The following ABAT variants were observed in gnomAD, a reference collection of about 807,000 sequenced individuals.
ABAT encodes 4-aminobutyrate aminotransferase, mitochondrial.
A neutral mutation model predicts 64.6 loss-of-function variants in ABAT; 45 were observed. The ratio of observed to expected loss-of-function variants is 0.70; its 90% CI spans 0.55 to 0.89. The LOEUF (loss-of-function observed/expected upper bound fraction) is 0.89. Among genes scored for constraint, ABAT ranks in the 40% least tolerant of loss-of-function variants. ABAT has a pLI of 0.00. For synonymous variants in ABAT, 297 were observed against 250.5 expected (o/e 1.19, Z -1.75); for missense variants, 633 against 658.4 (o/e 0.96, Z 0.42).
At position 8,783,504 on chromosome 16, in the gene ABAT, A is replaced by C. The variant is rs191157077; in HGVS notation, c.*2074A>C. The C allele has an allele frequency of 7.9e-5, 12 of 152,412 alleles. No individual in the cohort carries two copies. Among genetic ancestry groups the C allele is most frequent in the Admixed American group, 3.3e-4 (5 of 15,296 alleles). The allele number at this position is 152,412 out of a possible 1,614,324, so 9.4% of individuals were successfully genotyped here. A position where few individuals can be genotyped will look rare whatever the true frequency, so the allele number is the denominator to read the frequency against. On this transcript the variant is annotated 3_prime_UTR_variant, in exon 16 of 16. Transcript: ENST00000268251. ...CAGAGTTCACCAAGCAGGCAAGGCA[A>C]GGAAGGGTGTTGCAGAGAGGGAACA...
At chr16:8,779,688 G>T in intron 15 of ABAT, 98 bp downstream of exon 15, 1 of 941,662 alleles carries the variant, frequency 1.1e-6, no homozygotes. Context: ...TTTTGTGTGG[G>T]GGGCAGGTGG....
intron 1 of ABAT, among the ~76,000 whole-genome samples, chr16:8,726,803 C>A (rs1596425963): frequency 6.6e-6 from 1 of 152,272 alleles, no homozygotes; most frequent in South Asian, 2.1e-4. Flanking sequence ...TTTACATTCC[C>A]ACTAACAATG....
At chr16:8,709,793 T>G (rs184827704) in intron 1 of ABAT, among the ~76,000 whole-genome samples, 1 of 151,914 alleles carries the variant, frequency 6.6e-6, no homozygotes, top group Non-Finnish European at 1.5e-5. Flanking sequence ...AGGGTAGCAG[T>G]ACTCCCTGTA....
At chr16:8,770,294 C>T (rs1484998514) in intron 11 of ABAT, among the ~76,000 whole-genome samples, 2 of 152,072 alleles carry the variant, frequency 1.3e-5, no homozygotes, top group East Asian at 1.9e-4. Flanking sequence ...CTTGACACCA[C>T]ACCCGGCTAA....
At chr16:8,741,713 T>C (rs1245879871) in intron 2 of ABAT, among the ~76,000 whole-genome samples, 2 of 152,208 alleles carry the variant, frequency 1.3e-5, no homozygotes, top group East Asian at 3.8e-4. Flanking sequence ...TTCATTGTAA[T>C]AGTATTTGGT....
intron 1 of ABAT, among the ~76,000 whole-genome samples, chr16:8,709,397 G>T (rs2058020930): frequency 6.8e-6 from 1 of 147,146 alleles, no homozygotes. Flanking sequence ...TTTTTGAGAT[G>T]GAGTCTCACT....
intron 5 of ABAT, among the ~76,000 whole-genome samples, chr16:8,752,936 T>C (rs1039817569): frequency 7.2e-5 from 11 of 152,224 alleles, no homozygotes; most frequent in African/African-American, 2.4e-4. Context: ...TCTCATTAAA[T>C]GGCTACAGCC....
At chr16:8,717,535 A>G (rs1214163350) in intron 1 of ABAT, among the ~76,000 whole-genome samples, 1 of 152,206 alleles carries the variant, frequency 6.6e-6, no homozygotes, top group Admixed American at 6.5e-5. Flanking sequence ...AAACCAGACC[A>G]GCAGGTGACA....
At chr16:8,726,297 G>C (rs891479884) in intron 1 of ABAT, among the ~76,000 whole-genome samples, 1 of 120,812 alleles carries the variant, frequency 8.3e-6, no homozygotes, top group Non-Finnish European at 1.6e-5. Context: ...GTCTCGATCT[G>C]TTGCCCAGGC....
At chr16:8,773,499 C>G (rs973908222) in intron 12 of ABAT, among the ~76,000 whole-genome samples, 1 of 152,104 alleles carries the variant, frequency 6.6e-6, no homozygotes, top group African/African-American at 2.4e-5. Context: ...AGTTGCAGTG[C>G]GTAATGATCA....
intron 1 of ABAT, among the ~76,000 whole-genome samples, chr16:8,709,884 C>A (rs973777555): frequency 6.6e-6 from 1 of 151,490 alleles, no homozygotes; most frequent in East Asian, 1.9e-4. Context: ...TACAGTGGCA[C>A]GGTAGCACAA....
chr16:8,740,617 TG>T (rs1567297609), intron 2 of ABAT, among the ~76,000 whole-genome samples: 1 of 152,222 alleles, frequency 6.6e-6, no homozygotes, highest in African/African-American at 2.4e-5. Context: ...TGCTTCTCCA[TG>T]GTGTCTCCAC....
Position 8,776,461 on chromosome 16 carries a change from G to T in ABAT, c.1240G>T (p.Ala414Ser), listed in dbSNP as rs745655905. The change falls in exon 14 of 16, where the codon GCC becomes TCC. Residue 414 changes from alanine (A) to serine (S), a missense_variant. Transcript: ENST00000268251. The surrounding 1 kb of genome is among the most constrained non-coding windows in gnomAD (Gnocchi z 4.4). ...LLNNAAHAGK[A>S]LLTGLLDLQA... ...AAATAATGCAGCCCATGCCGGGAAGGCCCTGCTCACAGGACTGCTGGACCT... is the reference window on the plus strand; with the variant it reads ...AAATAATGCAGCCCATGCCGGGAAGTCCCTGCTCACAGGACTGCTGGACCT... 17 of 1,614,020 alleles carry T rather than the reference G, an allele frequency of 1.1e-5. No individual in the cohort carries two copies. The highest frequency in any genetic ancestry group is 2.7e-5 in the African/African-American group (2 of 74,916).
At chr16:8,745,192 A>G (rs1270745465) in intron 2 of ABAT, among the ~76,000 whole-genome samples, 1 of 152,048 alleles carries the variant, frequency 6.6e-6, no homozygotes, top group African/African-American at 2.4e-5. Flanking sequence ...ACGTTGCCCA[A>G]GCTGGTCGTG....
chr16:8,744,045 T>C (rs1025128126), intron 2 of ABAT, among the ~76,000 whole-genome samples: 5 of 152,158 alleles, frequency 3.3e-5, no homozygotes, highest in Admixed American at 6.5e-5. Flanking sequence ...ATTGTGGGAT[T>C]CACCCGGGAA....
intron 2 of ABAT, among the ~76,000 whole-genome samples, chr16:8,742,785 GA>G (rs201297452): frequency 0.021 from 3,162 of 148,100 alleles, 39 homozygotes; most frequent in Middle Eastern, 0.059. Context: ...AGGATTGCTT[GA>G]AACCGGGATG....
chr16:8,769,878 G>T (rs1253135941), intron 11 of ABAT, among the ~76,000 whole-genome samples: 34 of 152,098 alleles, frequency 2.2e-4, no homozygotes, highest in Non-Finnish European at 2.9e-5. Flanking sequence ...CTCAAATAAG[G>T]CTGCTGGTTT....
At chr16:8,733,358 A>G (rs2090439360) in intron 1 of ABAT, among the ~76,000 whole-genome samples, 1 of 150,024 alleles carries the variant, frequency 6.7e-6, no homozygotes, top group Non-Finnish European at 1.5e-5. Flanking sequence ...CTGGGCAGCC[A>G]GGCCGAGGGG....
At chr16:8,773,162 T>A (rs8060324) in intron 12 of ABAT, among the ~76,000 whole-genome samples, 41,626 of 128,690 alleles carry the variant, frequency 0.32, 6,183 homozygotes, top group South Asian at 0.41. Context: ...ATATATATTT[T>A]TTTTTTTGAG....
Sources: allele counts gnomAD v4.1 joint callset (sites outside exome capture counted in the v4.1 genomes callset), GRCh38; gene constraint gnomAD v4.1.1; non-coding constraint Gnocchi (gnomAD v3.1); transcripts MANE v1.5; gene names NCBI Gene and HGNC (gene_info 2026-07-23, HGNC 2026-07-21).